Variants in GRM5 observed in about 807,000 individuals in gnomAD.
The protein encoded by GRM5 is glutamate metabotropic receptor 5, also known as metabotropic glutamate receptor 5.
In GRM5, 19 loss-of-function variants were observed where a neutral mutation model predicts 83.1. The ratio of observed to expected loss-of-function variants is 0.23; its 90% confidence interval spans 0.16 to 0.34. The LOEUF is 0.34. GRM5 is among the 10% of genes least tolerant of loss of function. The pLI, the probability that GRM5 is intolerant of heterozygous loss-of-function variation, is 1.00. For missense variants in GRM5, 1,160 were observed against 1,588.3 expected, an observed-to-expected ratio of 0.73 and a Z score of 4.58; for synonymous variants, 675 against 633.6, an observed-to-expected ratio of 1.07 and a Z score of -0.98.
At chr11:88,792,334 T>C (rs1349141078) in intron 3 of GRM5, among the ~76,000 whole-genome samples, 1 of 152,132 alleles carries the variant, frequency 6.6e-6, no homozygotes, top group Non-Finnish European at 1.5e-5. Context: ...ATTTATTCTA[T>C]TGTTCTAATT....
At chr11:88,563,135 A>G (rs1021857764) in intron 8 of GRM5, among the ~76,000 whole-genome samples, 1 of 152,184 alleles carries the variant, frequency 6.6e-6, no homozygotes, top group Non-Finnish European at 1.5e-5. Flanking sequence ...CATTTATTGA[A>G]TACTTTCTAC....
chr11:88,808,170 A>T (rs868404763), intron 3 of GRM5, among the ~76,000 whole-genome samples: 1 of 152,174 alleles, frequency 6.6e-6, no homozygotes, highest in East Asian at 1.9e-4. Context: ...TGGAATGCAC[A>T]GACATGTGTA....
chr11:89,029,684 C>T (rs564510743), intron 2 of GRM5, among the ~76,000 whole-genome samples: 141 of 152,250 alleles, frequency 9.3e-4, no homozygotes, highest in South Asian at 4.8e-3. Context: ...TGAGATTTTA[C>T]AGGAGTCATT....
intron 2 of GRM5, among the ~76,000 whole-genome samples, chr11:88,937,342 A>G (rs1937936203): frequency 6.6e-6 from 1 of 151,728 alleles, no homozygotes; most frequent in Non-Finnish European, 1.5e-5. Context: ...TGAGAAGTAG[A>G]TAAAGTAATA....
At chr11:88,628,938 T>C (rs1410972194) in intron 4 of GRM5, among the ~76,000 whole-genome samples, 1 of 152,126 alleles carries the variant, frequency 6.6e-6, no homozygotes, top group East Asian at 1.9e-4. Context: ...ACCAGGATCT[T>C]TTGTGAATTT....
At chr11:88,783,299 A>C (rs549018369) in intron 3 of GRM5, among the ~76,000 whole-genome samples, 1 of 152,238 alleles carries the variant, frequency 6.6e-6, no homozygotes, top group East Asian at 1.9e-4. Context: ...GAATCCTGTA[A>C]ACAATCAAAC....
intron 8 of GRM5, among the ~76,000 whole-genome samples, chr11:88,562,001 G>A (rs1039795120): frequency 1.3e-5 from 2 of 152,092 alleles, no homozygotes; most frequent in Non-Finnish European, 2.9e-5. Context: ...TCTCACTAAA[G>A]ATATGAACTA....
At chr11:88,983,476 G>T (rs1192833188) in intron 2 of GRM5, among the ~76,000 whole-genome samples, 2 of 152,158 alleles carry the variant, frequency 1.3e-5, no homozygotes, top group Non-Finnish European at 2.9e-5. Flanking sequence ...TGATGTCATA[G>T]TTATTATAAT....
At chr11:88,694,841 C>A (rs974768323) in intron 3 of GRM5, among the ~76,000 whole-genome samples, 2 of 152,110 alleles carry the variant, frequency 1.3e-5, no homozygotes, top group African/African-American at 4.8e-5. Context: ...CAGATTATTT[C>A]TCTTGTATAT....
chr11:88,999,677 TG>T (rs1253155683), intron 2 of GRM5, among the ~76,000 whole-genome samples: 2 of 152,132 alleles, frequency 1.3e-5, no homozygotes, highest in African/African-American at 4.8e-5. Context: ...GAAGTCAGTG[TG>T]GCGACTCCTC....
At chr11:89,041,439 A>G (rs1373344155) in intron 2 of GRM5, among the ~76,000 whole-genome samples, 2 of 152,240 alleles carry the variant, frequency 1.3e-5, no homozygotes, top group East Asian at 1.9e-4. Context: ...TATCCCAGGC[A>G]TTAGTCTCTT....
At chr11:89,062,919 G>A (rs547431409) in intron 1 of GRM5, among the ~76,000 whole-genome samples, 4 of 152,264 alleles carry the variant, frequency 2.6e-5, no homozygotes, top group Non-Finnish European at 5.9e-5. Flanking sequence ...AGCAGGCTTT[G>A]TGTTCGAGGG....
intron 3 of GRM5, among the ~76,000 whole-genome samples, chr11:88,759,186 C>T (rs1942458311): frequency 6.6e-6 from 1 of 151,974 alleles, no homozygotes; most frequent in South Asian, 2.1e-4. Context: ...ACATAATAAC[C>T]AGCTAACATC....
intron 2 of GRM5, among the ~76,000 whole-genome samples, chr11:88,850,569 T>C (rs1346489221): frequency 6.6e-6 from 1 of 151,222 alleles, no homozygotes; most frequent in Non-Finnish European, 1.5e-5. Context: ...ATAGTACATA[T>C]AAGTAATACA....
intron 2 of GRM5, among the ~76,000 whole-genome samples, chr11:88,933,187 ATTTTTT>A (rs57318577): frequency 1.0e-4 from 11 of 106,298 alleles, no homozygotes; most frequent in South Asian, 3.1e-4. Context: ...TATTTGGGGC[ATTTTTT>A]TTTTTTTTTT....
At chr11:88,695,069 A>G (rs1447045042) in intron 3 of GRM5, among the ~76,000 whole-genome samples, 3 of 152,202 alleles carry the variant, frequency 2.0e-5, no homozygotes, top group Non-Finnish European at 2.9e-5. Flanking sequence ...GTCAAAAGCT[A>G]TGGAATAATT....
At chr11:88,850,461 G>A (rs539752028) in intron 2 of GRM5, among the ~76,000 whole-genome samples, 1 of 151,944 alleles carries the variant, frequency 6.6e-6, no homozygotes, top group Admixed American at 6.6e-5. Flanking sequence ...ATGAGCTGAT[G>A]GAAATATTTA....
chr11:88,652,446 C>G (rs1939656238), intron 4 of GRM5, among the ~76,000 whole-genome samples: 1 of 151,970 alleles, frequency 6.6e-6, no homozygotes, highest in Non-Finnish European at 1.5e-5. Flanking sequence ...AACCCAAGCT[C>G]TTATTTTAAA....
intron 6 of GRM5, among the ~76,000 whole-genome samples, chr11:88,592,134 G>T (rs887205054): frequency 6.6e-6 from 1 of 152,172 alleles, no homozygotes; most frequent in Non-Finnish European, 1.5e-5. Context: ...ACTGGCTTGG[G>T]AATCAAGTAG....
Sources: gnomAD v4.1 joint callset for allele counts (sites outside exome capture counted in the v4.1 genomes callset) on GRCh38, gnomAD v4.1.1 for gene constraint, MANE v1.5 for transcripts, NCBI Gene and HGNC (gene_info 2026-07-23, HGNC 2026-07-21) for gene names.